The following RAD51B variants were observed in gnomAD, a reference collection of about 807,000 sequenced individuals.
The protein encoded by RAD51B is DNA repair protein RAD51 homolog 2.
Under a neutral mutation model 42.2 loss-of-function variants are expected in RAD51B, and 38 were observed. The ratio of observed to expected loss-of-function variants is 0.90; its 90% CI spans 0.70 to 1.18. RAD51B has a LOEUF of 1.18. Ranked by LOEUF, RAD51B falls within the 50% of genes most tolerant of loss-of-function variation. The pLI is 0.00. For synonymous variants in RAD51B, 154 were observed against 145.2 expected (o/e 1.06, Z -0.43); for missense variants, 373 against 400.7 (o/e 0.93, Z 0.59).
intron 10 of RAD51B, among the ~76,000 whole-genome samples, chr14:68,591,587 G>C (rs1890743894): frequency 6.6e-6 from 1 of 152,084 alleles, no homozygotes; most frequent in African/African-American, 2.4e-5. Flanking sequence ...TTCTTCCCTG[G>C]GCCTCTGCAC....
chr14:67,832,483 G>T (rs775787871), intron 3 of RAD51B, among the ~76,000 whole-genome samples: 6 of 151,590 alleles, frequency 4.0e-5, no homozygotes, highest in Non-Finnish European at 8.8e-5. Context: ...TTCCAAATTT[G>T]CTTTAGGTAT....
intron 7 of RAD51B, among the ~76,000 whole-genome samples, chr14:68,098,351 C>T (rs1414797665): frequency 6.6e-6 from 1 of 152,200 alleles, no homozygotes; most frequent in Non-Finnish European, 1.5e-5. Flanking sequence ...AAAATAGTAC[C>T]TGCCCAGGCA....
At chr14:68,378,668 ATTG>A (rs2083419749) in intron 8 of RAD51B, among the ~76,000 whole-genome samples, 2 of 151,698 alleles carry the variant, frequency 1.3e-5, no homozygotes, top group Admixed American at 6.6e-5. Context: ...TTATTGTTAT[ATTG>A]TTATTTTTCA....
At chr14:68,682,295 C>G (rs1298166191) in intron 11 of RAD51B, among the ~76,000 whole-genome samples, 1 of 152,162 alleles carries the variant, frequency 6.6e-6, no homozygotes, top group Non-Finnish European at 1.5e-5. Context: ...GTCAACTTTT[C>G]CCATCCATAG....
chr14:67,848,502 C>G (rs773763477), intron 4 of RAD51B, among the ~76,000 whole-genome samples: 1 of 152,136 alleles, frequency 6.6e-6, no homozygotes, highest in African/African-American at 2.4e-5. Flanking sequence ...CTCTTGAAGA[C>G]AGCAGATGGT....
At chr14:67,897,644 T>A (rs1214361127) in intron 7 of RAD51B, among the ~76,000 whole-genome samples, 4 of 150,426 alleles carry the variant, frequency 2.7e-5, no homozygotes, top group African/African-American at 1.0e-4. Context: ...AAGAGAACCC[T>A]TGTTCACTTT....
intron 10 of RAD51B, among the ~76,000 whole-genome samples, chr14:68,575,173 C>T (rs1456584822): frequency 6.6e-6 from 1 of 152,198 alleles, no homozygotes; most frequent in African/African-American, 2.4e-5. Flanking sequence ...AGCTTCTCAG[C>T]CAGGGTTTTC....
intron 5 of RAD51B, among the ~76,000 whole-genome samples, chr14:67,869,506 C>T (rs4902526): frequency 0.06 from 9,108 of 152,154 alleles, 653 homozygotes; most frequent in African/African-American, 0.18. Context: ...AGTTGGAAAA[C>T]ACTCTGCAGG....
At chr14:68,329,762 A>G (rs1279152370) in intron 8 of RAD51B, among the ~76,000 whole-genome samples, 1 of 152,162 alleles carries the variant, frequency 6.6e-6, no homozygotes, top group African/African-American at 2.4e-5. Context: ...CAGGTGGATC[A>G]CGAGGTCAGG....
chr14:67,900,298 G>A (rs1243739585), intron 7 of RAD51B, among the ~76,000 whole-genome samples: 1 of 152,106 alleles, frequency 6.6e-6, no homozygotes, highest in Non-Finnish European at 1.5e-5. Context: ...CTCAGAATTG[G>A]CAAACTTGTA....
At chr14:67,991,170 C>G (rs2075290702) in intron 7 of RAD51B, among the ~76,000 whole-genome samples, 1 of 152,130 alleles carries the variant, frequency 6.6e-6, no homozygotes, top group Non-Finnish European at 1.5e-5. Flanking sequence ...TCCCTAGAGA[C>G]ACAGCCTTCA....
At chr14:68,500,220 A>T (rs1047787836) in intron 10 of RAD51B, among the ~76,000 whole-genome samples, 2 of 152,218 alleles carry the variant, frequency 1.3e-5, no homozygotes, top group African/African-American at 4.8e-5. Flanking sequence ...AATAATGACC[A>T]CACTCTATAG....
At chr14:68,075,654 C>G (rs1194981375) in intron 7 of RAD51B, among the ~76,000 whole-genome samples, 4 of 152,014 alleles carry the variant, frequency 2.6e-5, no homozygotes, top group African/African-American at 9.7e-5. Context: ...CTGGCAGCTG[C>G]CTTTGGGAGC....
At chr14:68,257,440 G>A (rs2080776807) in intron 7 of RAD51B, among the ~76,000 whole-genome samples, 1 of 151,940 alleles carries the variant, frequency 6.6e-6, no homozygotes, top group African/African-American at 2.4e-5. Context: ...TTTGTAAAGG[G>A]AAAAAACTCC....
intron 7 of RAD51B, among the ~76,000 whole-genome samples, chr14:68,146,447 C>T (rs562871490): frequency 5.7e-4 from 87 of 152,004 alleles, no homozygotes; most frequent in Admixed American, 2.6e-3. Context: ...CCCTCCCCCA[C>T]AAAAAAGTTT....
downstream of RAD51B, among the ~76,000 whole-genome samples, chr14:68,599,122 G>GTCGGACATC: frequency 6.6e-6 from 1 of 152,170 alleles, no homozygotes; most frequent in Non-Finnish European, 1.5e-5. Flanking sequence ...GGTGCTGACC[G>GTCGGACATC]TCGGACATCG....
intron 11 of RAD51B, among the ~76,000 whole-genome samples, chr14:68,672,985 T>C (rs531574374): frequency 6.6e-6 from 1 of 152,354 alleles, no homozygotes; most frequent in African/African-American, 2.4e-5. Flanking sequence ...GTGGGTTTTT[T>C]GCTGTTTGTA....
At chr14:68,426,034 TTCTTTCTC>T (rs2084839452) in intron 9 of RAD51B, among the ~76,000 whole-genome samples, 2 of 149,060 alleles carry the variant, frequency 1.3e-5, no homozygotes, top group East Asian at 2.0e-4. Context: ...CTTTCTCTCT[TTCTTTCTC>T]TCTTTCTCTC....
At chr14:68,673,562 A>G (rs1412081222) in intron 11 of RAD51B, among the ~76,000 whole-genome samples, 1 of 151,862 alleles carries the variant, frequency 6.6e-6, no homozygotes, top group Admixed American at 6.6e-5. Context: ...ACACATATGT[A>G]TGCACACACA....
Sources: allele counts gnomAD v4.1 joint callset (sites outside exome capture counted in the v4.1 genomes callset), GRCh38; gene constraint gnomAD v4.1.1; transcripts MANE v1.5; gene names NCBI Gene and HGNC (gene_info 2026-07-23, HGNC 2026-07-21).